Variants in OR2V1 observed in about 807,000 individuals in gnomAD.
The protein encoded by OR2V1 is olfactory receptor family 2 subfamily V member 1.
In OR2V1, 18 loss-of-function variants were observed where a neutral mutation model predicts 15.0. The observed-to-expected ratio is 1.20, with a 90% CI of 0.83 to 1.78. OR2V1 has a LOEUF of 1.78. Ranked by LOEUF, OR2V1 falls within the 40% of genes most tolerant of loss-of-function variation. The pLI, the probability that OR2V1 is intolerant of heterozygous loss-of-function variation, is 0.00. For synonymous variants in OR2V1, 144 were observed against 146.1 expected (o/e 0.99, Z 0.10); for missense variants, 359 against 392.9 (o/e 0.91, Z 0.73).
At chr5:181,126,288 G>A (rs560468994) in intron 3 of OR2V1, among the ~76,000 whole-genome samples, 1 of 152,258 alleles carries the variant, frequency 6.6e-6, no homozygotes, top group Admixed American at 6.5e-5. Flanking sequence ...TATTGTCACA[G>A]CATTTGCAGA....
intron 3 of OR2V1, among the ~76,000 whole-genome samples, chr5:181,127,633 T>G (rs1193508696): frequency 6.6e-6 from 1 of 152,096 alleles, no homozygotes; most frequent in Non-Finnish European, 1.5e-5. Flanking sequence ...TCTGTGGCCC[T>G]AGGTCAGGGA....
chr5:181,124,281 G>A lies in OR2V1; in HGVS notation c.*76C>T. 1 of 1,328,190 alleles carries A rather than the reference G, an allele frequency of 7.5e-7. No individual in the cohort carries two copies. Among genetic ancestry groups the A allele is most frequent in the African/African-American group, 1.5e-5 (1 of 67,732 alleles). The allele number at this position is 1,328,190 out of a possible 1,614,324, so 82.3% of individuals were successfully genotyped here. On this transcript the variant is annotated 3_prime_UTR_variant, in exon 4 of 4. Transcript: ENST00000641551. ...GACCATCAACAGGTGAATGGAAACA[G>A]ACACTCACAAAGGTTGAGTGACTTC...
In OR2V1 at chr5:181,128,281, C is replaced by T. The variant is rs149219003; in HGVS notation, c.-22+1239G>A. ...TGCAAAACATACCCCCCAGCCAGCA[C>T]GCATCCCTGCCAGCTCCCACCTGGC... On this transcript the variant is annotated intron_variant, in intron 3 of 3. Coordinates refer to ENST00000641551, the MANE Select transcript of OR2V1 (RefSeq NM_001258283.2). 1.2e-4 allele frequency among the ~76,000 whole-genome samples: 19 copies of T among 152,176 alleles called. No individual in the cohort carries two copies. In the East Asian group the frequency reaches 2.5e-3, roughly 20 times the overall value.
In OR2V1 at chr5:181,123,541, G is replaced by T. The variant is rs1252745218; in HGVS notation, c.*816C>A. The T allele has an allele frequency of 6.5e-6, 1 of 153,128 alleles. No homozygotes were observed. Among genetic ancestry groups the T allele is most frequent in the Non-Finnish European group, 1.5e-5 (1 of 68,540 alleles). 9.5% of individuals were successfully genotyped at this position (153,128 alleles called of 1,614,324 possible). A position where few individuals can be genotyped will look rare whatever the true frequency, so the allele number is the denominator to read the frequency against. ...TGAGTTTCCGATGAGACATTCCAAA[G>T]GAGTCAATCAGAAGCTGCATCGATC... On this transcript the variant is annotated 3_prime_UTR_variant, in exon 4 of 4. Transcript: ENST00000641551.
Position 181,125,419 on chromosome 5 carries a change from G to A in OR2V1, c.-21-94C>T, listed in dbSNP as rs1762861408. 4.6e-6 allele frequency: 4 copies of A among 862,972 alleles called. No individual in the cohort carries two copies. In the East Asian group the frequency reaches 8.0e-5, roughly 17 times the overall value. The allele number at this position is 862,972 out of a possible 1,614,324, so 53.5% of individuals were successfully genotyped here. ...ACAGCGTATGCTCTGAGAGATGCAG[G>A]AGGACACTCGTATTCCTGTGACACA... On this transcript the variant is annotated intron_variant, in intron 3 of 3. Coordinates refer to ENST00000641551, the MANE Select transcript of OR2V1 (RefSeq NM_001258283.2).
intron 3 of OR2V1, 119 bp from the exon 4 acceptor site, chr5:181,125,444 A>G: frequency 2.8e-6 from 2 of 721,690 alleles, no homozygotes; most frequent in South Asian, 3.8e-5. Context: ...CCTGTGACAC[A>G]GGTGACAGGA....
chr5:181,128,721 C>T (rs1317139592), intron 3 of OR2V1, among the ~76,000 whole-genome samples: 1 of 152,126 alleles, frequency 6.6e-6, no homozygotes, highest in African/African-American at 2.4e-5. Context: ...GAGCTGAAAT[C>T]CTTCTTCTTC....
rs757339676 is a variant in OR2V1 at position 181,125,025 on chromosome 5, A to G, written c.280T>C (p.Ser94Pro). ...ATTTGTATGCCACAGCCCACAAAGG[A>G]GATGGACTTCCTGCCAGACAGGAAG... ...ANFLSGRKSISFVGCGIQIGF... is the reference protein window; with the variant it reads ...ANFLSGRKSIPFVGCGIQIGF... The change falls in exon 4 of 4, where the codon TCC (serine) becomes CCC (proline). Residue 94 changes from serine to proline, a missense_variant. Ser to Pro is a moderately conservative substitution (Grantham distance 74). Transcript: ENST00000641551. 2 of 1,614,178 alleles carry G rather than the reference A, an allele frequency of 1.2e-6. No individual in the cohort carries two copies. The highest frequency in any genetic ancestry group is 2.2e-5 in the South Asian group (2 of 91,086).
At chr5:181,125,958 C>G (rs1252494056) in intron 3 of OR2V1, among the ~76,000 whole-genome samples, 1 of 152,076 alleles carries the variant, frequency 6.6e-6, no homozygotes, top group African/African-American at 2.4e-5. Flanking sequence ...GCACTCCAGC[C>G]TGGGCAACAA....
chr5:181,129,147 G>A lies in OR2V1; in HGVS notation c.-22+373C>T, dbSNP rs562669293. 1.1e-4 allele frequency among the ~76,000 whole-genome samples: 16 copies of A among 152,268 alleles called. No homozygotes were observed. In the South Asian group the frequency reaches 1.7e-3, roughly 16 times the overall value. On this transcript the variant is annotated intron_variant, in intron 3 of 3. Transcript: ENST00000641551. ...CTCAGGTGGCTGAGGTGGAAGGATCGTTTGAGCCTGAAAGTTCAAGCTGGC... is the reference window on the plus strand; with the variant it reads ...CTCAGGTGGCTGAGGTGGAAGGATCATTTGAGCCTGAAAGTTCAAGCTGGC...
At position 181,125,461 on chromosome 5, in the gene OR2V1, C is replaced by T. The variant is rs889516068; in HGVS notation, c.-21-136G>A. Reference sequence around the variant, plus strand: ...TGTGACACAGGTGACAGGACCTCTGCCAGCTCTGGAATTGGACTACACATC... The same window carrying T: ...TGTGACACAGGTGACAGGACCTCTGTCAGCTCTGGAATTGGACTACACATC... On this transcript the variant is annotated intron_variant, in intron 3 of 3. Coordinates refer to ENST00000641551, the MANE Select transcript of OR2V1 (RefSeq NM_001258283.2). 3 of 657,144 alleles carry T rather than the reference C, an allele frequency of 4.6e-6. No individual in the cohort carries two copies. The African/African-American group carries it at 5.5e-5, about 12-fold the overall frequency. 40.7% of individuals were successfully genotyped at this position (657,144 alleles called of 1,614,324 possible). A position where few individuals can be genotyped will look rare whatever the true frequency, so the allele number is the denominator to read the frequency against.
At position 181,129,349 on chromosome 5, in the gene OR2V1, C is replaced by T. The variant is rs185958909; in HGVS notation, c.-22+171G>A. Reference sequence around the variant, plus strand: ...AGGAATTTGAGGCTGCAGTGAGCTACGATCACACCACTGCACTCCAGCCTG... The same window carrying T: ...AGGAATTTGAGGCTGCAGTGAGCTATGATCACACCACTGCACTCCAGCCTG... On this transcript the variant is annotated intron_variant, in intron 3 of 3. Coordinates refer to ENST00000641551, the MANE Select transcript of OR2V1 (RefSeq NM_001258283.2). 1.4e-4 allele frequency among the ~76,000 whole-genome samples: 22 copies of T among 151,888 alleles called. No individual in the cohort carries two copies. The East Asian group carries it at 2.3e-3, about 16-fold the overall frequency.
chr5:181,127,226 C>T (rs1191805460), intron 3 of OR2V1, among the ~76,000 whole-genome samples: 4 of 152,176 alleles, frequency 2.6e-5, no homozygotes, highest in Admixed American at 6.5e-5. Flanking sequence ...TGGCTCATAG[C>T]GGGACCTCAA....
rs1018952456 is a variant in OR2V1 at position 181,125,181 on chromosome 5, C to T, written c.124G>A (p.Gly42Arg). 6.2e-6 allele frequency: 10 copies of T among 1,614,000 alleles called. No homozygotes were observed. In the African/African-American group the frequency reaches 1.2e-4, roughly 19 times the overall value. The change falls in exon 4 of 4, where the codon GGG becomes AGG. Residue 42 changes from glycine to arginine, a missense_variant. Transcript: ENST00000641551. ...ATGAGGAAGATGAGGAGGACATTCC[C>T]ACAGAGGGCCACTGTGAAGACCACC... ...VMVVFTVALC[G>R]NVLLIFLIYL... is the part of the protein sequence containing the mutation.
chr5:181,126,018 G>A (rs1228314592), intron 3 of OR2V1, among the ~76,000 whole-genome samples: 1 of 152,098 alleles, frequency 6.6e-6, no homozygotes, highest in African/African-American at 2.4e-5. Context: ...AAAGATCATG[G>A]CAACGTGAGA....
Position 181,123,607 on chromosome 5 carries a change from G to C in OR2V1, c.*750C>G, listed in dbSNP as rs1443164504. On this transcript the variant is annotated 3_prime_UTR_variant, in exon 4 of 4. Transcript: ENST00000641551. ...CTGACTTTGAAAGAATGGGAGGCAGGTTTGCCCTGAGCAGTTCCCACCTTG... is the reference window on the plus strand; with the variant it reads ...CTGACTTTGAAAGAATGGGAGGCAGCTTTGCCCTGAGCAGTTCCCACCTTG... The C allele has an allele frequency of 6.6e-6, 1 of 152,250 alleles. No individual in the cohort carries two copies. The highest frequency in any genetic ancestry group is 1.5e-5 in the Non-Finnish European group (1 of 68,074). 9.4% of individuals were successfully genotyped at this position (152,250 alleles called of 1,614,324 possible). A position where few individuals can be genotyped will look rare whatever the true frequency, so the allele number is the denominator to read the frequency against.
chr5:181,125,042 G>T lies in OR2V1; in HGVS notation c.263C>A (p.Ser88Tyr). 13 of 1,614,234 alleles carry T rather than the reference G, an allele frequency of 8.1e-6. No homozygotes were observed. Among genetic ancestry groups the T allele is most frequent in the Non-Finnish European group, 1.1e-5 (13 of 1,180,048 alleles). ...IVPKMAANFL[S>Y]GRKSISFVGC... is the part of the protein sequence containing the mutation. ...CACAAAGGAGATGGACTTCCTGCCA[G>T]ACAGGAAGTTGGCTGCCATCTTTGG... is the stretch of plus-strand genomic sequence containing the variant. The change falls in exon 4 of 4, where the codon TCT (serine) becomes TAT (tyrosine). Residue 88 changes from serine to tyrosine, a missense_variant. Physicochemically the swap from Ser to Tyr is moderately radical, Grantham distance 144. Coordinates refer to ENST00000641551, the MANE Select transcript of OR2V1 (RefSeq NM_001258283.2).
chr5:181,128,204 ACAC>A lies in OR2V1; in HGVS notation c.-22+1313_-22+1315del, dbSNP rs1561624125. On this transcript the variant is annotated intron_variant, in intron 3 of 3. Transcript: ENST00000641551. ...TCCTGTCCTCTCCTCACACACACAC[ACAC>A]ACACACACACACACGCCCCAAACAT... Among the ~76,000 whole-genome samples, 26 of 151,398 alleles carry A rather than the reference ACAC, an allele frequency of 1.7e-4. 1 individual carries two copies. Among genetic ancestry groups the A allele is most frequent in the Admixed American group, 1.1e-3 (16 of 15,202 alleles).
chr5:181,124,159 C>T lies in OR2V1; in HGVS notation c.*198G>A. 2.2e-6 allele frequency: 1 copy of T among 455,662 alleles called. No homozygotes were observed. The highest frequency in any genetic ancestry group is 3.7e-6 in the Non-Finnish European group (1 of 267,336). 28.2% of individuals were successfully genotyped at this position (455,662 alleles called of 1,614,324 possible). On this transcript the variant is annotated 3_prime_UTR_variant, in exon 4 of 4. Coordinates refer to ENST00000641551, the MANE Select transcript of OR2V1 (RefSeq NM_001258283.2). ...GTGATCTTTACAAAATCCCTCAGAG[C>T]ACGAGTGTCCTGATTATCTTTTTTT...
Sources: allele counts gnomAD v4.1 joint callset (sites outside exome capture counted in the v4.1 genomes callset), GRCh38; gene constraint gnomAD v4.1.1; transcripts MANE v1.5; gene names NCBI Gene and HGNC (gene_info 2026-07-23, HGNC 2026-07-21).